RBFOX3: variants seen among roughly 807,000 people sequenced by gnomAD.
The protein encoded by RBFOX3 is RNA binding protein fox-1 homolog 3.
Under a neutral mutation model 48.7 loss-of-function variants are expected in RBFOX3, and 17 were observed. The observed-to-expected ratio is 0.35, with a 90% CI of 0.24 to 0.52. The LOEUF is 0.52. Among genes scored for constraint, RBFOX3 ranks in the 20% least tolerant of loss-of-function variants. The probability of loss-of-function intolerance (pLI) is 0.94; values close to 1 mark genes in which losing one functional copy is unlikely to be tolerated. For synonymous variants in RBFOX3, 212 were observed against 209.5 expected (o/e 1.01, Z -0.10); for missense variants, 382 against 497.5 (o/e 0.77, Z 2.21).
intron 3 of RBFOX3, among the ~76,000 whole-genome samples, chr17:79,277,151 C>T (rs2069043342): frequency 6.6e-6 from 1 of 152,218 alleles, no homozygotes; most frequent in Non-Finnish European, 1.5e-5. Flanking sequence ...TTCTCTGCCC[C>T]TTCCTGGTGC....
At chr17:79,557,139 G>A (rs2091822874) in intron 1 of RBFOX3, among the ~76,000 whole-genome samples, 1 of 150,676 alleles carries the variant, frequency 6.6e-6, no homozygotes, top group Non-Finnish European at 1.5e-5. Context: ...CAGCTACTCG[G>A]GAGGCTGAAG....
At chr17:79,556,805 T>A (rs1315536796) in intron 1 of RBFOX3, among the ~76,000 whole-genome samples, 1 of 151,766 alleles carries the variant, frequency 6.6e-6, no homozygotes, top group Non-Finnish European at 1.5e-5. Flanking sequence ...AGGCACAGAG[T>A]CCACCGAAGG....
intron 4 of RBFOX3, among the ~76,000 whole-genome samples, chr17:79,215,870 G>A (rs2058972199): frequency 1.3e-5 from 2 of 152,272 alleles, no homozygotes; most frequent in Admixed American, 6.5e-5. Flanking sequence ...CCCCAAGGCA[G>A]TGGGAAGCCA....
At chr17:79,225,291 C>CTTTT (rs58461275) in intron 4 of RBFOX3, among the ~76,000 whole-genome samples, 1 of 128,084 alleles carries the variant, frequency 7.8e-6, no homozygotes, top group African/African-American at 2.9e-5. Flanking sequence ...TCCCTCCATT[C>CTTTT]TTTTTTTTTT....
chr17:79,279,722 G>A (rs1169169621), intron 3 of RBFOX3, among the ~76,000 whole-genome samples: 3 of 152,220 alleles, frequency 2.0e-5, no homozygotes, highest in South Asian at 2.1e-4. Context: ...CTGCAGGCTC[G>A]TGGTTGCAGA....
chr17:79,105,815 A>C (rs1286039018), intron 6 of RBFOX3, among the ~76,000 whole-genome samples: 1 of 151,996 alleles, frequency 6.6e-6, no homozygotes, highest in African/African-American at 2.4e-5. Flanking sequence ...GTTTGGAGGG[A>C]GGGAAGAAAC....
intron 2 of RBFOX3, among the ~76,000 whole-genome samples, chr17:79,375,760 G>A (rs1310902707): frequency 2.6e-5 from 4 of 152,282 alleles, no homozygotes; most frequent in Admixed American, 1.3e-4. Flanking sequence ...GAAAGGGGCC[G>A]CTGAGCCCAG....
In RBFOX3 at chr17:79,106,784, G is replaced by A. The variant is rs1297203837; in HGVS notation, c.227C>T (p.Thr76Ile). Residue 76 changes from threonine (T) to isoleucine (I), a missense_variant, in exon 6 of 15, where the codon ACA (threonine) becomes ATA (isoleucine). Physicochemically the swap from Thr to Ile is moderately conservative, Grantham distance 89. Around this residue, in one of 3 missense-constraint regions of RBFOX3, gnomAD observed 118 missense variants for 132.1 expected, o/e 0.89. Coordinates refer to ENST00000693108, the MANE Select transcript of RBFOX3 (RefSeq NM_001350451.2). ...PIAGTQTVPQ[T>I]DEAAQTDSQP... ...GCTGTCCGTCTGTGCCGCCTCGTCTGTCTGCTGCAGGGAGAGGACTGGGCT... is the reference window on the plus strand; with the variant it reads ...GCTGTCCGTCTGTGCCGCCTCGTCTATCTGCTGCAGGGAGAGGACTGGGCT... The A allele has an allele frequency of 2.0e-6, 3 of 1,518,610 alleles. No homozygotes were observed. Among genetic ancestry groups the A allele is most frequent in the Non-Finnish European group, 2.6e-6 (3 of 1,134,708 alleles). 94.1% of individuals were successfully genotyped at this position (1,518,610 alleles called of 1,614,324 possible).
chr17:79,621,362 G>A, the RBFOX3 span, among the ~76,000 whole-genome samples: 3 of 152,276 alleles, frequency 2.0e-5, no homozygotes, highest in South Asian at 6.2e-4. Flanking sequence ...TCCAAGCTGG[G>A]GGAAACCGTT....
intron 1 of RBFOX3, among the ~76,000 whole-genome samples, chr17:79,510,373 A>G (rs2083943977): frequency 6.6e-6 from 1 of 152,208 alleles, no homozygotes; most frequent in Non-Finnish European, 1.5e-5. Context: ...GCAGGACACG[A>G]CAAGGGGCCA....
rs537261892 is a variant in RBFOX3, at chr17:79,142,708, G to A, written c.-33-26960C>T. On this transcript the variant is annotated intron_variant, in intron 4 of 14. Transcript: ENST00000693108. ...GCACCTGGGCTCCTCTGAACAGGCC[G>A]AGGGCTGCTGCTTCTTGACCCAGTC... Among the ~76,000 whole-genome samples, 10 of 152,286 alleles carry A rather than the reference G, an allele frequency of 6.6e-5. No individual in the cohort carries two copies. The East Asian group carries it at 1.4e-3, about 21-fold the overall frequency.
At chr17:79,320,366 C>G (rs1016531958) in intron 2 of RBFOX3, among the ~76,000 whole-genome samples, 1 of 152,228 alleles carries the variant, frequency 6.6e-6, no homozygotes, top group Non-Finnish European at 1.5e-5. Context: ...AGAGACAGAT[C>G]TGAACACCTT....
At chr17:79,454,181 G>A (rs1417140393) in intron 2 of RBFOX3, among the ~76,000 whole-genome samples, 2 of 152,038 alleles carry the variant, frequency 1.3e-5, no homozygotes, top group Non-Finnish European at 2.9e-5. Context: ...CCTCTCCCCT[G>A]TTCTCAGAAG....
intron 2 of RBFOX3, among the ~76,000 whole-genome samples, chr17:79,331,357 G>A (rs765492147): frequency 2.0e-5 from 3 of 152,068 alleles, no homozygotes; most frequent in African/African-American, 2.4e-5. Context: ...CCCCTGTCCC[G>A]TTCTGTTCAC....
intron 3 of RBFOX3, among the ~76,000 whole-genome samples, chr17:79,263,511 C>T (rs138656170): frequency 2.6e-5 from 4 of 152,176 alleles, no homozygotes; most frequent in East Asian, 1.9e-4. Flanking sequence ...CCGTGCTGCT[C>T]GTGGCAGAAG....
At position 79,477,487 on chromosome 17, in the gene RBFOX3, C is replaced by T. The variant is rs376818716; in HGVS notation, c.-175+4967G>A. On this transcript the variant is annotated intron_variant, in intron 2 of 14. Transcript: ENST00000693108. The surrounding 1 kb of genome is among the most constrained non-coding windows in gnomAD (Gnocchi z 4.8). ...AGGAGAATGGCGTGAACCCGGGAGG[C>T]GGAGTTTGCAGTGAGCTGAGATCGC... Among the ~76,000 whole-genome samples the T allele has an allele frequency of 2.7e-4, 41 of 149,614 alleles. No homozygotes were observed. The highest frequency in any genetic ancestry group is 6.4e-4 in the South Asian group (3 of 4,664).
At chr17:79,485,244 G>A (rs1461405054) in intron 1 of RBFOX3, among the ~76,000 whole-genome samples, 1 of 152,170 alleles carries the variant, frequency 6.6e-6, no homozygotes, top group Non-Finnish European at 1.5e-5. Flanking sequence ...CCTGGCAGGG[G>A]AGGCGCCCAC....
intron 4 of RBFOX3, among the ~76,000 whole-genome samples, chr17:79,178,955 T>G (rs1282051249): frequency 6.6e-6 from 1 of 152,152 alleles, no homozygotes; most frequent in Non-Finnish European, 1.5e-5. Context: ...TGCTGTTCAG[T>G]GCCCTCCTCC....
rs145201446 is a variant in RBFOX3, at chr17:79,211,161, C to T, written c.-34+24605G>A. Among the ~76,000 whole-genome samples the T allele has an allele frequency of 9.4e-3, 1,434 of 152,326 alleles. 6 individuals carry two copies. Among genetic ancestry groups the T allele is most frequent in the Middle Eastern group, 0.031 (9 of 294 alleles). ...GTCCGGCGGTCTCAGTCCTGGGCCA[C>T]GGAGCAGACGGTGGGAACACAGGCT... is the stretch of plus-strand genomic sequence containing the variant. On this transcript the variant is annotated intron_variant, in intron 4 of 14. Coordinates refer to ENST00000693108, the MANE Select transcript of RBFOX3 (RefSeq NM_001350451.2).
Sources: gnomAD v4.1 joint callset for allele counts (sites outside exome capture counted in the v4.1 genomes callset) on GRCh38, gnomAD v4.1.1 for gene constraint, gnomAD v4.1.1 regional missense constraint, Gnocchi (gnomAD v3.1) non-coding constraint, MANE v1.5 for transcripts, NCBI Gene and HGNC (gene_info 2026-07-23, HGNC 2026-07-21) for gene names.